PRKN: variants seen among roughly 807,000 people sequenced by gnomAD.
PRKN encodes E3 ubiquitin-protein ligase parkin.
PRKN carries 56 observed loss-of-function variants against 59.5 expected under a neutral mutation model. The observed-to-expected ratio is 0.94, with a 90% CI of 0.76 to 1.18. The LOEUF is 1.18. Ranked by LOEUF, PRKN falls within the 50% of genes most tolerant of loss-of-function variation. PRKN has a pLI of 0.00. For missense variants in PRKN, 657 were observed against 596.4 expected (o/e 1.10, Z -1.06); for synonymous variants, 250 against 222.1 (o/e 1.13, Z -1.12).
chr6:161,704,613 G>C (rs931702969), intron 7 of PRKN, among the ~76,000 whole-genome samples: 1 of 152,040 alleles, frequency 6.6e-6, no homozygotes, highest in African/African-American at 2.4e-5. Context: ...GCACACCCAG[G>C]TCCTCCGGTT....
chr6:162,101,638 C>G (rs933580096), intron 4 of PRKN, among the ~76,000 whole-genome samples: 2 of 151,782 alleles, frequency 1.3e-5, no homozygotes, highest in African/African-American at 4.8e-5. Flanking sequence ...TGCCACTGCA[C>G]TCCAGCCTAG....
intron 7 of PRKN, among the ~76,000 whole-genome samples, chr6:161,602,403 C>T (rs1782140753): frequency 6.6e-6 from 1 of 152,244 alleles, no homozygotes; most frequent in Non-Finnish European, 1.5e-5. Flanking sequence ...ACCGGCTTGT[C>T]TCCCAGTAGC....
intron 1 of PRKN, among the ~76,000 whole-genome samples, chr6:162,547,796 G>C (rs1381668393): frequency 6.6e-6 from 1 of 152,006 alleles, no homozygotes; most frequent in African/African-American, 2.4e-5. Flanking sequence ...TGGCCAGGGT[G>C]GTCTTGAACT....
intron 6 of PRKN, among the ~76,000 whole-genome samples, chr6:161,891,525 A>G (rs960200505): frequency 8.5e-5 from 13 of 152,172 alleles, no homozygotes; most frequent in Non-Finnish European, 1.6e-4. Flanking sequence ...TCGAGGTCTT[A>G]CAGGCTTGAA....
At chr6:161,618,675 G>C (rs1478619424) in intron 7 of PRKN, among the ~76,000 whole-genome samples, 1 of 152,120 alleles carries the variant, frequency 6.6e-6, no homozygotes, top group Non-Finnish European at 1.5e-5. Context: ...AGTTCCATAA[G>C]AGCTGCCCCA....
intron 6 of PRKN, among the ~76,000 whole-genome samples, chr6:161,903,603 G>C (rs1778017972): frequency 2.0e-5 from 3 of 151,948 alleles, no homozygotes; most frequent in African/African-American, 7.3e-5. Flanking sequence ...GAAATACAGG[G>C]AAAGACAGAG....
At chr6:162,688,474 GTATTAGA>G (rs1431935617) in intron 1 of PRKN, among the ~76,000 whole-genome samples, 4 of 152,110 alleles carry the variant, frequency 2.6e-5, no homozygotes, top group Admixed American at 2.0e-4. Flanking sequence ...TAGGTCAATT[GTATTAGA>G]TAACTAACAA....
At chr6:162,241,048 G>A (rs187303261) in intron 3 of PRKN, among the ~76,000 whole-genome samples, 11 of 152,204 alleles carry the variant, frequency 7.2e-5, no homozygotes, top group Admixed American at 2.6e-4. Flanking sequence ...TCCTTTCAAT[G>A]TTAGAAATTT....
chr6:162,266,655 T>C (rs1287740305), intron 2 of PRKN, among the ~76,000 whole-genome samples: 2 of 152,188 alleles, frequency 1.3e-5, no homozygotes, highest in Non-Finnish European at 2.9e-5. Context: ...ATTAGCTGTA[T>C]GAATTTTGGC....
At chr6:162,381,613 C>T (rs1786486883) in intron 2 of PRKN, among the ~76,000 whole-genome samples, 7 of 152,180 alleles carry the variant, frequency 4.6e-5, no homozygotes. Flanking sequence ...TTAAACACCA[C>T]AATACTCTCA....
chr6:161,725,851 G>A (rs545351627), intron 7 of PRKN, among the ~76,000 whole-genome samples: 1 of 152,324 alleles, frequency 6.6e-6, no homozygotes, highest in East Asian at 1.9e-4. Context: ...TCAGGGACCA[G>A]TCCCTCTTCT....
chr6:161,905,810 A>T (rs757316672), intron 6 of PRKN, among the ~76,000 whole-genome samples: 1 of 151,796 alleles, frequency 6.6e-6, no homozygotes, highest in African/African-American at 2.4e-5. Context: ...AAAATATGAA[A>T]ATTAGCCTGG....
intron 9 of PRKN, among the ~76,000 whole-genome samples, chr6:161,500,876 C>CTTTTTTTT (rs34247928): frequency 1.7e-5 from 2 of 115,402 alleles, no homozygotes; most frequent in African/African-American, 3.5e-5. Flanking sequence ...TTTTTTTTTT[C>CTTTTTTTT]TTTTTTTTTT....
Position 161,350,058 on chromosome 6 carries a change from G to A in PRKN, c.*41C>T. ...GAAAATGAAGGTAGACACTGGGTATGCTCCCCCAGGATGTGGCGATGGGGC... is the reference window on the plus strand; with the variant it reads ...GAAAATGAAGGTAGACACTGGGTATACTCCCCCAGGATGTGGCGATGGGGC... On this transcript the variant is annotated 3_prime_UTR_variant, in exon 12 of 12. Coordinates refer to ENST00000366898, the MANE Select transcript of PRKN (RefSeq NM_004562.3). The A allele has an allele frequency of 8.1e-7, 1 of 1,230,050 alleles. No homozygotes were observed. Among genetic ancestry groups the A allele is most frequent in the Non-Finnish European group, 1.2e-6 (1 of 833,644 alleles). The allele number at this position is 1,230,050 out of a possible 1,614,324, so 76.2% of individuals were successfully genotyped here. A position where few individuals can be genotyped will look rare whatever the true frequency, so the allele number is the denominator to read the frequency against.
intron 2 of PRKN, among the ~76,000 whole-genome samples, chr6:162,336,176 C>G (rs73026885): frequency 6.6e-6 from 1 of 152,182 alleles, no homozygotes; most frequent in Non-Finnish European, 1.5e-5. Context: ...TTCCACTTAT[C>G]TAATCAGGTG....
intron 1 of PRKN, among the ~76,000 whole-genome samples, chr6:162,510,146 G>A (rs1777531725): frequency 6.6e-6 from 1 of 152,154 alleles, no homozygotes; most frequent in South Asian, 2.1e-4. Context: ...CAAAACAACA[G>A]TCGGCACCCA....
At chr6:162,690,278 C>T (rs535742567) in intron 1 of PRKN, among the ~76,000 whole-genome samples, 2 of 152,290 alleles carry the variant, frequency 1.3e-5, no homozygotes, top group East Asian at 3.9e-4. Context: ...GAAATTCTCA[C>T]ACCGATTCTA....
At chr6:162,723,049 A>G (rs569824487) in intron 1 of PRKN, among the ~76,000 whole-genome samples, 60 of 152,332 alleles carry the variant, frequency 3.9e-4, no homozygotes, top group Non-Finnish European at 6.3e-4. Flanking sequence ...AGTATATTCA[A>G]CTAGAAATAT....
At chr6:161,557,674 G>T (rs976332846) in intron 8 of PRKN, among the ~76,000 whole-genome samples, 12 of 152,154 alleles carry the variant, frequency 7.9e-5, no homozygotes, top group African/African-American at 2.4e-4. Flanking sequence ...AAGAAGAAAA[G>T]AATCTAATTT....
Sources: gnomAD v4.1 joint callset for allele counts (sites outside exome capture counted in the v4.1 genomes callset) on GRCh38, gnomAD v4.1.1 for gene constraint, MANE v1.5 for transcripts, NCBI Gene and HGNC (gene_info 2026-07-23, HGNC 2026-07-21) for gene names.